Variants in EPM2A observed in about 807,000 individuals in gnomAD.
The protein encoded by EPM2A is laforin.
Under a neutral mutation model 26.5 loss-of-function variants are expected in EPM2A, and 21 were observed. The observed-to-expected ratio is 0.79, with a 90% CI of 0.56 to 1.14. The LOEUF (loss-of-function observed/expected upper bound fraction) is 1.14. Ranked by LOEUF, EPM2A falls within the 50% of genes most tolerant of loss-of-function variation. EPM2A has a pLI of 0.00. For synonymous variants in EPM2A, 217 were observed against 177.6 expected (o/e 1.22, Z -1.76); for missense variants, 458 against 440.8 (o/e 1.04, Z -0.35).
At chr6:145,556,987 A>G (rs1197964739) in intron 2 of EPM2A, among the ~76,000 whole-genome samples, 1 of 152,140 alleles carries the variant, frequency 6.6e-6, no homozygotes, top group Admixed American at 6.6e-5. Flanking sequence ...CATGTTAGAC[A>G]TGGGTTCCAT....
At chr6:145,703,825 C>T (rs1782066375) in intron 1 of EPM2A, among the ~76,000 whole-genome samples, 1 of 152,140 alleles carries the variant, frequency 6.6e-6, no homozygotes, top group African/African-American at 2.4e-5. Context: ...GAAATTCTGA[C>T]ACAAAGTTAA....
At chr6:145,535,861 A>C (rs1440865652) in intron 2 of EPM2A, among the ~76,000 whole-genome samples, 2 of 152,196 alleles carry the variant, frequency 1.3e-5, no homozygotes, top group Non-Finnish European at 2.9e-5. Context: ...CCTTTTCCAA[A>C]TTGACTTTCA....
chr6:145,614,044 T>A (rs867299386), intron 2 of EPM2A, among the ~76,000 whole-genome samples: 3 of 152,246 alleles, frequency 2.0e-5, no homozygotes, highest in African/African-American at 7.2e-5. Context: ...TTTGTTTACA[T>A]TGAAAATCTG....
chr6:145,674,746 G>A (rs1024935459), intron 2 of EPM2A, among the ~76,000 whole-genome samples: 1 of 151,582 alleles, frequency 6.6e-6, no homozygotes, highest in Non-Finnish European at 1.5e-5. Context: ...AGAAAAAAGA[G>A]TAAAAACAAA....
rs117484056 is a variant in EPM2A at position 145,688,321 on chromosome 6, A to G, written c.302-2025T>C. Among the ~76,000 whole-genome samples the G allele has an allele frequency of 4.1e-3, 627 of 152,332 alleles. 18 individuals are homozygous for G. In the East Asian group the frequency reaches 0.07, roughly 17 times the overall value. On this transcript the variant is annotated intron_variant, in intron 1 of 3. Coordinates refer to ENST00000367519, the MANE Select transcript of EPM2A (RefSeq NM_005670.4). ...CTTGGTCACAGACTTTGAAAGGATT[A>G]TGCAGATTCAAGAGGGAAAGGCCAC...
At position 145,557,301 on chromosome 6, in the gene EPM2A, T is replaced by C. The variant is rs575764995; in HGVS notation, c.341-54726A>G. Among the ~76,000 whole-genome samples the C allele has an allele frequency of 5.7e-4, 86 of 152,204 alleles. 1 individual carries two copies. The South Asian group carries it at 0.018, about 31-fold the overall frequency. On this transcript the variant is annotated intron_variant, in intron 2 of 3. Coordinates refer to the EPM2A transcript ENST00000450221. ...ATGAGAAATTACCCATTGGGTACGATGTACACTATTTGCATGATAGTTACA... is the reference window on the plus strand; with the variant it reads ...ATGAGAAATTACCCATTGGGTACGACGTACACTATTTGCATGATAGTTACA...
chr6:145,713,552 C>G (rs753899216), intron 1 of EPM2A, among the ~76,000 whole-genome samples: 5 of 152,044 alleles, frequency 3.3e-5, no homozygotes, highest in Non-Finnish European at 7.4e-5. Context: ...CATTTCACAC[C>G]CTCTACAATG....
At chr6:145,657,889 C>T (rs1265803628) in intron 2 of EPM2A, among the ~76,000 whole-genome samples, 4 of 152,180 alleles carry the variant, frequency 2.6e-5, no homozygotes, top group Non-Finnish European at 2.9e-5. Context: ...TCAGGTGATG[C>T]GTTTCTTTGG....
rs537238318 is a variant in EPM2A at position 145,717,210 on chromosome 6, A to T, written c.301+17988T>A. Among the ~76,000 whole-genome samples, 82 of 152,302 alleles carry T rather than the reference A, an allele frequency of 5.4e-4. 1 individual carries two copies. The highest frequency in any genetic ancestry group is 1.8e-3 in the African/African-American group (74 of 41,574). On this transcript the variant is annotated intron_variant, in intron 1 of 3. Transcript: ENST00000367519. ...TATCCTTGATGAACATTGATGCAAA[A>T]ATCTTCAATAAAATACTGGCAAACC... is the stretch of plus-strand genomic sequence containing the variant.
intron 4 of EPM2A, among the ~76,000 whole-genome samples, chr6:145,387,733 A>T (rs1778282239): frequency 6.6e-6 from 1 of 152,158 alleles, no homozygotes; most frequent in Admixed American, 6.6e-5. Flanking sequence ...AAGCTTTGAA[A>T]AAAATATGGA....
chr6:145,666,201 T>C (rs906775875), intron 2 of EPM2A, among the ~76,000 whole-genome samples: 5 of 112,680 alleles, frequency 4.4e-5, no homozygotes, highest in Non-Finnish European at 8.7e-5. Context: ...GGTATTCAAT[T>C]AGGAAAAGAG....
intron 4 of EPM2A, among the ~76,000 whole-genome samples, chr6:145,487,466 A>G (rs964415687): frequency 6.6e-5 from 10 of 152,212 alleles, no homozygotes; most frequent in African/African-American, 2.4e-4. Flanking sequence ...CCAACAGTGT[A>G]TAAGCATTCC....
At chr6:145,718,168 C>T (rs1775745010) in intron 1 of EPM2A, among the ~76,000 whole-genome samples, 2 of 152,148 alleles carry the variant, frequency 1.3e-5, no homozygotes, top group Middle Eastern at 3.4e-3. Context: ...CAAGTCAATC[C>T]TAAGCCAAAA....
At chr6:145,567,904 A>G (rs1385887866) in intron 2 of EPM2A, among the ~76,000 whole-genome samples, 1 of 152,062 alleles carries the variant, frequency 6.6e-6, no homozygotes, top group Non-Finnish European at 1.5e-5. Flanking sequence ...TGTATTTCCT[A>G]CTTCCCCTCT....
chr6:145,668,262 GA>G (rs1278726992), intron 2 of EPM2A, among the ~76,000 whole-genome samples: 1 of 151,756 alleles, frequency 6.6e-6, no homozygotes, highest in African/African-American at 2.4e-5. Flanking sequence ...TGCAATCTAA[GA>G]AAAAAAGGAT....
chr6:145,562,813 T>G (rs1255221510), intron 2 of EPM2A, among the ~76,000 whole-genome samples: 2 of 151,886 alleles, frequency 1.3e-5, no homozygotes, highest in Non-Finnish European at 2.9e-5. Flanking sequence ...TTTTGAAGAC[T>G]ATGATGTGGA....
At chr6:145,437,274 C>G (rs1012033639) in intron 4 of EPM2A, among the ~76,000 whole-genome samples, 5 of 152,038 alleles carry the variant, frequency 3.3e-5, no homozygotes, top group Admixed American at 6.5e-5. Flanking sequence ...TTCGCCTTCT[C>G]CCATGATTGT....
At chr6:145,454,030 C>T (rs1779230422) in intron 4 of EPM2A, among the ~76,000 whole-genome samples, 3 of 152,124 alleles carry the variant, frequency 2.0e-5, no homozygotes, top group African/African-American at 4.8e-5. Flanking sequence ...GAGAATTACT[C>T]CCATCTGTTC....
chr6:145,452,937 CT>C (rs1779216315), intron 4 of EPM2A, among the ~76,000 whole-genome samples: 1 of 152,114 alleles, frequency 6.6e-6, no homozygotes. Flanking sequence ...AAACTCCATT[CT>C]TTCTCTCTTA....
Sources: allele counts gnomAD v4.1 joint callset (sites outside exome capture counted in the v4.1 genomes callset), GRCh38; gene constraint gnomAD v4.1.1; transcripts MANE v1.5; gene names NCBI Gene and HGNC (gene_info 2026-07-23, HGNC 2026-07-21).